Variants in CCDC60 observed in about 807,000 individuals in gnomAD.
CCDC60 encodes the protein coiled-coil domain containing 60.
A neutral mutation model predicts 63.5 loss-of-function variants in CCDC60; 54 were observed. That is an observed-to-expected ratio of 0.85 (90% CI 0.68 to 1.07). The LOEUF is 1.07. CCDC60 is among the 50% of genes least tolerant of loss of function. The probability of loss-of-function intolerance (pLI) is 0.00; values close to 1 mark genes in which losing one functional copy is unlikely to be tolerated. For missense variants in CCDC60, 651 were observed against 684.3 expected (o/e 0.95, Z 0.54); for synonymous variants, 206 against 238.8 (o/e 0.86, Z 1.27).
chr12:119,532,957 G>T (rs1050101603), intron 13 of CCDC60, among the ~76,000 whole-genome samples: 3 of 152,042 alleles, frequency 2.0e-5, no homozygotes, highest in African/African-American at 7.2e-5. Flanking sequence ...TGGATCAAAT[G>T]GTATTTCTGG....
chr12:119,458,223 A>T (rs1325202904), intron 2 of CCDC60, among the ~76,000 whole-genome samples: 1 of 152,184 alleles, frequency 6.6e-6, no homozygotes, highest in Non-Finnish European at 1.5e-5. Flanking sequence ...TTAAGTGAAA[A>T]TTTCCCATGT....
At chr12:119,349,013 G>A (rs1482151559) in intron 1 of CCDC60, among the ~76,000 whole-genome samples, 1 of 152,192 alleles carries the variant, frequency 6.6e-6, no homozygotes, top group Non-Finnish European at 1.5e-5. Flanking sequence ...ATTCCATGCA[G>A]TCTACAGTGC....
chr12:119,520,177 C>G lies in CCDC60; in HGVS notation c.1025C>G (p.Thr342Ser). ...KSNSAYKEMQTTLKSSERSSS... is the reference protein window; with the variant it reads ...KSNSAYKEMQSTLKSSERSSS... ...AATTCTGCTTATAAGGAAATGCAGA[C>G]CACTCTCAAATCAAGGTAGGAAAGC... The change falls in exon 9 of 14, where the codon ACC becomes AGC. Residue 342 changes from threonine (T) to serine (S), a missense_variant. By Grantham distance (58) the Thr-to-Ser change is moderately conservative. Coordinates refer to ENST00000327554, the MANE Select transcript of CCDC60 (RefSeq NM_178499.5). The G allele has an allele frequency of 6.2e-7, 1 of 1,613,758 alleles. No homozygotes were observed. The highest frequency in any genetic ancestry group is 8.5e-7 in the Non-Finnish European group (1 of 1,179,856).
chr12:119,492,824 G>C (rs1477078733), intron 5 of CCDC60, among the ~76,000 whole-genome samples: 2 of 152,106 alleles, frequency 1.3e-5, no homozygotes, highest in African/African-American at 4.8e-5. Flanking sequence ...TAATATCTGG[G>C]AACACAATGA....
chr12:119,426,382 G>A (rs767093761), intron 1 of CCDC60, among the ~76,000 whole-genome samples: 1 of 150,476 alleles, frequency 6.6e-6, no homozygotes, highest in Admixed American at 6.6e-5. Flanking sequence ...TTTGAGAGAG[G>A]GTCTCGCTCT....
chr12:119,349,736 C>T (rs1427195699), intron 1 of CCDC60, among the ~76,000 whole-genome samples: 1 of 152,194 alleles, frequency 6.6e-6, no homozygotes, highest in Non-Finnish European at 1.5e-5. Context: ...CCATCCCCTC[C>T]AAGAACCCTG....
intron 1 of CCDC60, among the ~76,000 whole-genome samples, chr12:119,352,253 C>T (rs1955663094): frequency 1.3e-5 from 2 of 152,188 alleles, no homozygotes. Flanking sequence ...TTCTACCAGA[C>T]CCCACCTCCA....
At chr12:119,348,450 C>A (rs143271187) in intron 1 of CCDC60, among the ~76,000 whole-genome samples, 448 of 152,252 alleles carry the variant, frequency 2.9e-3, no homozygotes, top group African/African-American at 0.01. Flanking sequence ...GAGTCTCCTT[C>A]ACTAAACAAA....
intron 6 of CCDC60, 23 bp from the exon 7 acceptor site, chr12:119,505,046 T>C (rs1213525176): frequency 6.5e-7 from 1 of 1,535,694 alleles, no homozygotes; most frequent in East Asian, 2.3e-5. Flanking sequence ...TCCTGAAACC[T>C]CTCTTTCTTC....
intron 3 of CCDC60, among the ~76,000 whole-genome samples, chr12:119,473,656 C>G (rs1044026061): frequency 1.6e-4 from 24 of 152,230 alleles, no homozygotes; most frequent in African/African-American, 5.5e-4. Flanking sequence ...ATTCTTTTGC[C>G]TTTGCATCCT....
At chr12:119,488,553 C>T (rs1331063634) in intron 4 of CCDC60, among the ~76,000 whole-genome samples, 1 of 152,196 alleles carries the variant, frequency 6.6e-6, no homozygotes, top group Non-Finnish European at 1.5e-5. Context: ...CCTCTGATTC[C>T]TCATCTGTAA....
intron 1 of CCDC60, among the ~76,000 whole-genome samples, chr12:119,347,631 A>G (rs1458350059): frequency 2.6e-5 from 4 of 152,024 alleles, no homozygotes; most frequent in Admixed American, 6.5e-5. Flanking sequence ...TTCCTTAGGC[A>G]ACTAGAAATT....
rs879505813 is a variant in CCDC60, at chr12:119,464,302, C to A, written c.171-7692C>A. On this transcript the variant is annotated intron_variant, in intron 2 of 13. Coordinates refer to ENST00000327554, the MANE Select transcript of CCDC60 (RefSeq NM_178499.5). ...GCCAGAGTTGGGTTGCAAGAGCAAC[C>A]CCCCCCCCACTCTTCCTTACTTCCT... Among the ~76,000 whole-genome samples, 35 of 78,992 alleles carry A rather than the reference C, an allele frequency of 4.4e-4. 4 individuals carry two copies. Among genetic ancestry groups the A allele is most frequent in the African/African-American group, 2.0e-3 (28 of 13,820 alleles). The allele number at this position is 78,992 out of a possible 152,430, so 51.8% of individuals were successfully genotyped here. A position where few individuals can be genotyped will look rare whatever the true frequency, so the allele number is the denominator to read the frequency against.
At chr12:119,444,191 T>C (rs1234047987) in intron 2 of CCDC60, among the ~76,000 whole-genome samples, 1 of 152,252 alleles carries the variant, frequency 6.6e-6, no homozygotes. Context: ...AACAGCTAGA[T>C]ACTTTTCAGA....
At chr12:119,448,530 G>A (rs770959792) in intron 2 of CCDC60, among the ~76,000 whole-genome samples, 1 of 152,192 alleles carries the variant, frequency 6.6e-6, no homozygotes, top group African/African-American at 2.4e-5. Flanking sequence ...GCTAGAAACA[G>A]TAACTATCAA....
At chr12:119,412,593 A>T (rs1023130306) in intron 1 of CCDC60, among the ~76,000 whole-genome samples, 11 of 152,188 alleles carry the variant, frequency 7.2e-5, no homozygotes, top group African/African-American at 2.4e-4. Flanking sequence ...AGCCAACAGG[A>T]TACGTTTAAA....
intron 1 of CCDC60, among the ~76,000 whole-genome samples, chr12:119,398,982 G>A (rs936827753): frequency 6.6e-6 from 1 of 152,184 alleles, no homozygotes; most frequent in Admixed American, 6.5e-5. Context: ...TTACAGATGA[G>A]GAAATTGATG....
intron 4 of CCDC60, among the ~76,000 whole-genome samples, chr12:119,487,992 C>T (rs938792603): frequency 6.6e-6 from 1 of 152,102 alleles, no homozygotes; most frequent in African/African-American, 2.4e-5. Context: ...CAGGTGCATG[C>T]CACCACACCC....
At chr12:119,536,585 CAGGCACTGTTGTA>C (rs1953013259) in intron 13 of CCDC60, among the ~76,000 whole-genome samples, 2 of 152,184 alleles carry the variant, frequency 1.3e-5, no homozygotes. Flanking sequence ...GTGCTTCCTT[CAGGCACTGTTGTA>C]AGGCAGGCCT....
Sources: allele counts gnomAD v4.1 joint callset (sites outside exome capture counted in the v4.1 genomes callset), GRCh38; gene constraint gnomAD v4.1.1; transcripts MANE v1.5; gene names NCBI Gene and HGNC (gene_info 2026-07-23, HGNC 2026-07-21).